JAKMIP1: variants seen among roughly 807,000 people sequenced by gnomAD.
JAKMIP1 encodes the protein janus kinase and microtubule interacting protein 1.
A neutral mutation model predicts 113.0 loss-of-function variants in JAKMIP1; 33 were observed. The ratio of observed to expected loss-of-function variants is 0.29; its 90% CI spans 0.22 to 0.39. The LOEUF (loss-of-function observed/expected upper bound fraction) is 0.39, where lower values mean the gene tolerates loss of function less well. Among genes scored for constraint, JAKMIP1 ranks in the 10% least tolerant of loss-of-function variants. JAKMIP1 has a pLI of 1.00. For missense variants in JAKMIP1, 813 were observed against 1,080.5 expected (o/e 0.75, Z 3.47); for synonymous variants, 480 against 459.9 (o/e 1.04, Z -0.56).
At chr4:6,131,592 T>C (rs946266064) in intron 1 of JAKMIP1, among the ~76,000 whole-genome samples, 2 of 152,150 alleles carry the variant, frequency 1.3e-5, no homozygotes, top group East Asian at 1.9e-4. Context: ...TAGCCAGGCA[T>C]GGTGGTGCGT....
rs554560583 is a variant in JAKMIP1 at position 6,137,628 on chromosome 4, A to C, written c.-147-24631T>G. Among the ~76,000 whole-genome samples, 1 of 152,330 alleles carries C rather than the reference A, an allele frequency of 6.6e-6. No homozygotes were observed. The highest frequency in any genetic ancestry group is 2.4e-5 in the African/African-American group (1 of 41,584). On this transcript the variant is annotated intron_variant, in intron 1 of 20. Coordinates refer to ENST00000409021, the MANE Select transcript of JAKMIP1 (RefSeq NM_001099433.2). This position sits in a 1 kb window ranked among gnomAD's most constrained non-coding sequence, Gnocchi z 4.5. Reference sequence around the variant, plus strand: ...TCCGCACCTGGAGGCAATGACCCCCACAGGGGACCAAATGAGCTATCCTGA... The same window carrying C: ...TCCGCACCTGGAGGCAATGACCCCCCCAGGGGACCAAATGAGCTATCCTGA...
chr4:6,125,282 G>A (rs1463919508), intron 1 of JAKMIP1, among the ~76,000 whole-genome samples: 5 of 152,086 alleles, frequency 3.3e-5, no homozygotes, highest in East Asian at 1.9e-4. Flanking sequence ...ACCCCCACCC[G>A]GGCTGGCTGA....
At position 6,183,506 on chromosome 4, in the gene JAKMIP1, A is replaced by AAATAAATT. The variant is rs1239214147; in HGVS notation, c.-148+16746_-148+16747insAATTTATT. 1.3e-5 allele frequency among the ~76,000 whole-genome samples: 2 copies of AAATAAATT among 151,172 alleles called. No homozygotes were observed. Among genetic ancestry groups the AAATAAATT allele is most frequent in the African/African-American group, 4.9e-5 (2 of 41,110 alleles). ...TAAATAAATAAATAAATAAATAAAT[A>AAATAAATT]AATTTAAAAAAGAAAGTAAAATGGA... On this transcript the variant is annotated intron_variant, in intron 1 of 20. Coordinates refer to ENST00000409021, the MANE Select transcript of JAKMIP1 (RefSeq NM_001099433.2). The surrounding 1 kb of genome is among the most constrained non-coding windows in gnomAD (Gnocchi z 5.3).
intron 1 of JAKMIP1, among the ~76,000 whole-genome samples, chr4:6,190,227 A>C (rs968927035): frequency 1.3e-5 from 2 of 152,146 alleles, no homozygotes; most frequent in African/African-American, 4.8e-5. Flanking sequence ...TGCCAGGCTA[A>C]ATTTACAACA....
In JAKMIP1 at chr4:6,200,027, G is replaced by C. The variant is rs1728276762; in HGVS notation, c.-148+226C>G. ...AGATTTTGCAAGGGGGTCTGAAGAG[G>C]AGTGGGGGATGGGTATGGAAGGGTG... On this transcript the variant is annotated intron_variant, in intron 1 of 20. Transcript: ENST00000409021. This position sits in a 1 kb window ranked among gnomAD's most constrained non-coding sequence, Gnocchi z 7.0. Among the ~76,000 whole-genome samples the C allele has an allele frequency of 6.7e-6, 1 of 149,016 alleles. No homozygotes were observed. Among genetic ancestry groups the C allele is most frequent in the Non-Finnish European group, 1.5e-5 (1 of 66,826 alleles).
chr4:6,107,617 C>T (rs1247159631), intron 2 of JAKMIP1, among the ~76,000 whole-genome samples: 1 of 152,206 alleles, frequency 6.6e-6, no homozygotes, highest in Non-Finnish European at 1.5e-5. Context: ...CCCGGCTGCA[C>T]TGGGACTCGA....
chr4:6,047,140 T>C (rs1463212554), intron 16 of JAKMIP1, among the ~76,000 whole-genome samples: 2 of 152,162 alleles, frequency 1.3e-5, no homozygotes, highest in African/African-American at 4.8e-5. Context: ...AGAGATGTGG[T>C]GAGAAACCGG....
At chr4:6,039,899 G>A (rs1277108987) in intron 18 of JAKMIP1, among the ~76,000 whole-genome samples, 4 of 152,080 alleles carry the variant, frequency 2.6e-5, no homozygotes, top group African/African-American at 9.7e-5. Context: ...CATTTTGTAG[G>A]TGCAAACCCA....
intron 1 of JAKMIP1, among the ~76,000 whole-genome samples, chr4:6,117,502 C>T: frequency 6.7e-6 from 1 of 149,900 alleles, no homozygotes; most frequent in East Asian, 1.9e-4. Flanking sequence ...GGCAAGATCA[C>T]AGGACCACAG....
intron 7 of JAKMIP1, 94 bp from the exon 8 acceptor site, chr4:6,079,092 C>T (rs1345911018): frequency 1.5e-5 from 20 of 1,302,122 alleles, no homozygotes; most frequent in South Asian, 4.9e-5. Context: ...CCTGCCCATC[C>T]GCACCAGGCA....
rs1031925268 is a variant in JAKMIP1, at chr4:6,085,702, C to T, written c.625-73G>A. 3.5e-6 allele frequency: 5 copies of T among 1,423,484 alleles called. No homozygotes were observed. The African/African-American group carries it at 7.1e-5, about 20-fold the overall frequency. The allele number at this position is 1,423,484 out of a possible 1,614,324, so 88.2% of individuals were successfully genotyped here. On this transcript the variant is annotated intron_variant, in intron 3 of 20. Transcript: ENST00000409021. Reference sequence around the variant, plus strand: ...AGGAAATCTCTCCCCAAATTGGGGCCTTCGGCCCAGGGAAAGGTCAAAGCA... The same window carrying T: ...AGGAAATCTCTCCCCAAATTGGGGCTTTCGGCCCAGGGAAAGGTCAAAGCA...
At position 6,150,561 on chromosome 4, in the gene JAKMIP1, G is replaced by C. The variant is rs915194302; in HGVS notation, c.-147-37564C>G. ...ACACCCGCTTCTTAATCCCTGCCTC[G>C]GAGGCAGCTCCCACGGCGCTCAACG... On this transcript the variant is annotated intron_variant, in intron 1 of 20. Transcript: ENST00000409021. This position sits in a 1 kb window ranked among gnomAD's most constrained non-coding sequence, Gnocchi z 4.8. 1 of 152,130 alleles carries C rather than the reference G, an allele frequency of 6.6e-6. No homozygotes were observed. Among genetic ancestry groups the C allele is most frequent in the Non-Finnish European group, 1.5e-5 (1 of 68,074 alleles). 9.4% of individuals were successfully genotyped at this position (152,130 alleles called of 1,614,324 possible). A position where few individuals can be genotyped will look rare whatever the true frequency, so the allele number is the denominator to read the frequency against.
Position 6,185,509 on chromosome 4 carries a change from G to A in JAKMIP1, c.-148+14744C>T, listed in dbSNP as rs886905578. 2.0e-4 allele frequency among the ~76,000 whole-genome samples: 30 copies of A among 152,168 alleles called. No homozygotes were observed. Among genetic ancestry groups the A allele is most frequent in the Admixed American group, 1.3e-4 (2 of 15,270 alleles). Reference sequence around the variant, plus strand: ...AAAAAATACAAAAAATTAGCCGGGCGTGGTGGCAGACGCCTGTAGTCCCAG... The same window carrying A: ...AAAAAATACAAAAAATTAGCCGGGCATGGTGGCAGACGCCTGTAGTCCCAG... On this transcript the variant is annotated intron_variant, in intron 1 of 20. Coordinates refer to ENST00000409021, the MANE Select transcript of JAKMIP1 (RefSeq NM_001099433.2). This position sits in a 1 kb window ranked among gnomAD's most constrained non-coding sequence, Gnocchi z 5.3.
rs538723821 is a variant in JAKMIP1, at chr4:6,186,216, C to A, written c.-148+14037G>T. The stretch of plus-strand genomic sequence containing the variant: ...TGGAGCTTGCCAGGGGCAGGTCAGG[C>A]GGATGGGCAGGATGCAGACTGAGGA... On this transcript the variant is annotated intron_variant, in intron 1 of 20. Coordinates refer to ENST00000409021, the MANE Select transcript of JAKMIP1 (RefSeq NM_001099433.2). This position sits in a 1 kb window ranked among gnomAD's most constrained non-coding sequence, Gnocchi z 5.5. 6.6e-6 allele frequency among the ~76,000 whole-genome samples: 1 copy of A among 152,142 alleles called. No individual in the cohort carries two copies. Among genetic ancestry groups the A allele is most frequent in the South Asian group, 2.1e-4 (1 of 4,830 alleles).
At chr4:6,054,426 TG>T (rs1560115178) in intron 12 of JAKMIP1, among the ~76,000 whole-genome samples, 1 of 152,152 alleles carries the variant, frequency 6.6e-6, no homozygotes, top group African/African-American at 2.4e-5. Flanking sequence ...ACATATTTGC[TG>T]AATAAATGAA....
intron 1 of JAKMIP1, among the ~76,000 whole-genome samples, chr4:6,133,626 T>C (rs1409176183): frequency 6.6e-6 from 1 of 152,180 alleles, no homozygotes; most frequent in Non-Finnish European, 1.5e-5. Context: ...GGAGAATCAT[T>C]GTTTTACCAA....
intron 9 of JAKMIP1, among the ~76,000 whole-genome samples, chr4:6,063,767 C>G (rs1717654044): frequency 6.6e-6 from 1 of 152,238 alleles, no homozygotes. Context: ...TGGGACTCCA[C>G]AGAAAATGCC....
chr4:6,053,440 T>C (rs1715935338), intron 13 of JAKMIP1, among the ~76,000 whole-genome samples: 1 of 152,178 alleles, frequency 6.6e-6, no homozygotes, highest in East Asian at 1.9e-4. Flanking sequence ...ATAAAAGAGT[T>C]TGAACAACGT....
intron 2 of JAKMIP1, among the ~76,000 whole-genome samples, chr4:6,109,951 T>C (rs1714646390): frequency 6.6e-6 from 1 of 150,984 alleles, no homozygotes; most frequent in Admixed American, 6.6e-5. Flanking sequence ...GATGGCTGGA[T>C]TGAGAAAATA....
Sources: gnomAD v4.1 joint callset for allele counts (sites outside exome capture counted in the v4.1 genomes callset) on GRCh38, gnomAD v4.1.1 for gene constraint, Gnocchi (gnomAD v3.1) non-coding constraint, MANE v1.5 for transcripts, NCBI Gene and HGNC (gene_info 2026-07-23, HGNC 2026-07-21) for gene names.